VAC14: variants seen among roughly 807,000 people sequenced by gnomAD.
VAC14 encodes protein VAC14 homolog.
In VAC14, 47 loss-of-function variants were observed where a neutral mutation model predicts 85.3. That is an observed-to-expected ratio of 0.55 (90% confidence interval 0.44 to 0.70). The LOEUF is 0.70. VAC14 is among the 30% of genes least tolerant of loss of function. The pLI, the probability that VAC14 is intolerant of heterozygous loss-of-function variation, is 0.00. For missense variants in VAC14, 861 were observed against 1,004.3 expected (o/e 0.86, Z 1.93); for synonymous variants, 447 against 430.5 (o/e 1.04, Z -0.47).
chr16:70,706,342 C>T (rs2053919764), intron 14 of VAC14, among the ~76,000 whole-genome samples: 1 of 152,204 alleles, frequency 6.6e-6, no homozygotes, highest in South Asian at 2.1e-4. Flanking sequence ...CTCTGCAAGT[C>T]GCCTTAGGAC....
chr16:70,755,750 G>C (rs2143049266), intron 12 of VAC14, among the ~76,000 whole-genome samples: 1 of 152,330 alleles, frequency 6.6e-6, no homozygotes, highest in Admixed American at 6.5e-5. Context: ...TGGTGGAGGG[G>C]CCGTCATTGG....
At chr16:70,782,410 A>G (rs535824550) in intron 7 of VAC14, among the ~76,000 whole-genome samples, 2 of 152,360 alleles carry the variant, frequency 1.3e-5, no homozygotes, top group South Asian at 4.1e-4. Flanking sequence ...CTGTCTTGGA[A>G]TCCCACTGAT....
chr16:70,712,345 T>A (rs2054052670), intron 14 of VAC14, among the ~76,000 whole-genome samples: 2 of 152,062 alleles, frequency 1.3e-5, no homozygotes, highest in South Asian at 4.2e-4. Flanking sequence ...GCCTGCTCCC[T>A]CCACTCCCCA....
At chr16:70,698,112 G>A (rs888128892) in intron 15 of VAC14, among the ~76,000 whole-genome samples, 3 of 152,240 alleles carry the variant, frequency 2.0e-5, no homozygotes, top group Admixed American at 2.0e-4. Context: ...CCAGAGCCTG[G>A]GACGGATGGG....
chr16:70,738,259 C>T (rs924343139), intron 13 of VAC14, among the ~76,000 whole-genome samples: 2 of 152,078 alleles, frequency 1.3e-5, no homozygotes, highest in Admixed American at 1.3e-4. Flanking sequence ...GGAGGGGGTG[C>T]ACAGCTACGT....
intron 1 of VAC14, among the ~76,000 whole-genome samples, chr16:70,791,895 C>G (rs894681530): frequency 6.6e-6 from 1 of 152,174 alleles, no homozygotes; most frequent in African/African-American, 2.4e-5. Flanking sequence ...GCTTTGCAAA[C>G]CCAAACCTAA....
chr16:70,743,975 T>C (rs2030618291), intron 13 of VAC14, among the ~76,000 whole-genome samples: 1 of 152,040 alleles, frequency 6.6e-6, no homozygotes, highest in Admixed American at 6.5e-5. Flanking sequence ...CCTGTGTGAA[T>C]GATGCCGTCT....
chr16:70,755,731 C>A (rs1373586809), intron 12 of VAC14, among the ~76,000 whole-genome samples: 2 of 152,218 alleles, frequency 1.3e-5, no homozygotes, highest in Non-Finnish European at 2.9e-5. Context: ...AAGAAAGCTG[C>A]AGCGGGGGTG....
intron 9 of VAC14, among the ~76,000 whole-genome samples, chr16:70,776,150 G>T (rs1478311923): frequency 1.3e-5 from 2 of 152,146 alleles, no homozygotes; most frequent in Non-Finnish European, 2.9e-5. Flanking sequence ...CTCTCCCCCA[G>T]GCTGTAGTGG....
At chr16:70,764,646 A>G (rs1403547804) in intron 10 of VAC14, among the ~76,000 whole-genome samples, 3 of 152,244 alleles carry the variant, frequency 2.0e-5, no homozygotes, top group African/African-American at 7.2e-5. Context: ...TGTATCTAAA[A>G]TATTAGCATC....
chr16:70,779,678 TCA>T (rs143043291), intron 9 of VAC14, among the ~76,000 whole-genome samples: 6,401 of 152,228 alleles, frequency 0.042, 464 homozygotes, highest in African/African-American at 0.14. Flanking sequence ...AGGTTATATC[TCA>T]GTTTACTCTG....
intron 14 of VAC14, among the ~76,000 whole-genome samples, chr16:70,705,364 C>G (rs900000502): frequency 6.6e-6 from 1 of 152,266 alleles, no homozygotes; most frequent in African/African-American, 2.4e-5. Context: ...CTTCTGCCAG[C>G]ACTGGCCTGC....
intron 14 of VAC14, among the ~76,000 whole-genome samples, chr16:70,728,117 G>A (rs1320351440): frequency 1.3e-5 from 2 of 152,224 alleles, no homozygotes; most frequent in African/African-American, 4.8e-5. Context: ...CTGTGGCTGT[G>A]CGGGTGGGAG....
At chr16:70,713,403 T>A (rs1398161563) in intron 14 of VAC14, among the ~76,000 whole-genome samples, 1 of 152,204 alleles carries the variant, frequency 6.6e-6, no homozygotes, top group African/African-American at 2.4e-5. Context: ...CCATTCTGGG[T>A]GCTGTTTGAA....
At chr16:70,784,497 C>G (rs908029268) in intron 4 of VAC14, among the ~76,000 whole-genome samples, 1 of 152,126 alleles carries the variant, frequency 6.6e-6, no homozygotes, top group Non-Finnish European at 1.5e-5. Context: ...CAGGCCCCTG[C>G]TGTCAGGGCC....
intron 10 of VAC14, among the ~76,000 whole-genome samples, chr16:70,767,119 T>C (rs2032872579): frequency 6.6e-6 from 1 of 152,252 alleles, no homozygotes; most frequent in African/African-American, 2.4e-5. Flanking sequence ...GAGCATTTTC[T>C]CATAAAGCAT....
In VAC14 at chr16:70,783,153, C is replaced by G. The variant is rs1318869703; in HGVS notation, c.705-14G>C. Reference sequence around the variant, plus strand: ...ACAACCTCACACCTATGAACAAGAACAGGAAAGTGGAAACAGCGAGGGTCA... The same window carrying G: ...ACAACCTCACACCTATGAACAAGAAGAGGAAAGTGGAAACAGCGAGGGTCA... On this transcript the variant is annotated splice_polypyrimidine_tract_variant and intron_variant, in intron 6 of 18. Transcript: ENST00000261776. 1 of 1,612,198 alleles carries G rather than the reference C, an allele frequency of 6.2e-7. No individual in the cohort carries two copies. Among genetic ancestry groups the G allele is most frequent in the South Asian group, 1.1e-5 (1 of 90,830 alleles).
At chr16:70,696,190 G>A (rs1452141967) in intron 16 of VAC14, among the ~76,000 whole-genome samples, 1 of 152,168 alleles carries the variant, frequency 6.6e-6, no homozygotes, top group Non-Finnish European at 1.5e-5. Flanking sequence ...AGGCACCCAT[G>A]GATGGGGCTA....
intron 14 of VAC14, among the ~76,000 whole-genome samples, chr16:70,725,092 G>A (rs1387783946): frequency 1.3e-5 from 2 of 152,250 alleles, no homozygotes; most frequent in Non-Finnish European, 2.9e-5. Flanking sequence ...GGCAAACAGG[G>A]ATCTGGTCTG....
Sources: gnomAD v4.1 joint callset for allele counts (sites outside exome capture counted in the v4.1 genomes callset) on GRCh38, gnomAD v4.1.1 for gene constraint, MANE v1.5 for transcripts, NCBI Gene and HGNC (gene_info 2026-07-23, HGNC 2026-07-21) for gene names.